The following UNC13C variants were observed in gnomAD, a reference collection of about 807,000 sequenced individuals.
UNC13C encodes unc-13 homolog C.
UNC13C carries 174 observed loss-of-function variants against 245.4 expected under a neutral mutation model. The ratio of observed to expected loss-of-function variants is 0.71; its 90% confidence interval spans 0.63 to 0.80. UNC13C has a LOEUF of 0.80. UNC13C is among the 30% of genes least tolerant of loss of function. The pLI, the probability that UNC13C is intolerant of heterozygous loss-of-function variation, is 0.00. For missense variants in UNC13C, 2,829 were observed against 2,602.9 expected, an observed-to-expected ratio of 1.09 and a Z score of -1.89; for synonymous variants, 992 against 895.1, an observed-to-expected ratio of 1.11 and a Z score of -1.93.
intron 26 of UNC13C, among the ~76,000 whole-genome samples, chr15:54,541,402 C>T (rs1896238115): frequency 6.6e-6 from 1 of 152,062 alleles, no homozygotes; most frequent in Admixed American, 6.6e-5. Context: ...GTCAATGAGG[C>T]TGCCCTGAAA....
intron 4 of UNC13C, among the ~76,000 whole-genome samples, chr15:54,214,019 C>A (rs997060589): frequency 2.0e-5 from 3 of 151,978 alleles, no homozygotes; most frequent in Admixed American, 6.6e-5. Context: ...ATTGACACTA[C>A]AAATTATTAT....
chr15:54,419,526 C>G (rs969014377), intron 19 of UNC13C, among the ~76,000 whole-genome samples: 6 of 152,072 alleles, frequency 3.9e-5, no homozygotes, highest in African/African-American at 1.4e-4. Flanking sequence ...GCCCACTGAG[C>G]TGGTATTAGA....
intron 8 of UNC13C, among the ~76,000 whole-genome samples, chr15:54,254,600 G>T (rs373120543): frequency 6.6e-6 from 1 of 152,156 alleles, no homozygotes; most frequent in East Asian, 1.9e-4. Flanking sequence ...CGCTATTAAA[G>T]GAGCTTCGAG....
At chr15:54,198,130 C>T (rs1345556542) in intron 4 of UNC13C, among the ~76,000 whole-genome samples, 1 of 152,094 alleles carries the variant, frequency 6.6e-6, no homozygotes, top group Non-Finnish European at 1.5e-5. Context: ...CTCCATTGAA[C>T]TGGGAACCAC....
chr15:54,433,946 G>A (rs556537510), intron 19 of UNC13C, among the ~76,000 whole-genome samples: 64 of 151,936 alleles, frequency 4.2e-4, no homozygotes, highest in Non-Finnish European at 7.8e-4. Context: ...TAATAGACAA[G>A]TAGAGAGCCA....
intron 17 of UNC13C, among the ~76,000 whole-genome samples, chr15:54,378,471 C>G (rs2140894868): frequency 1.3e-5 from 2 of 152,074 alleles, no homozygotes; most frequent in South Asian, 4.2e-4. Context: ...ATATGCATGT[C>G]TCTTGGATCC....
At chr15:54,625,143 T>C (rs760704300) in intron 32 of UNC13C, among the ~76,000 whole-genome samples, 2 of 152,114 alleles carry the variant, frequency 1.3e-5, no homozygotes, top group Non-Finnish European at 2.9e-5. Context: ...TGACATTCCA[T>C]GAAGGGCAAC....
At chr15:54,147,781 G>GGTGTGTGTGTGTGTGT (rs1372170799) in intron 4 of UNC13C, among the ~76,000 whole-genome samples, 6 of 24,552 alleles carry the variant, frequency 2.4e-4, no homozygotes, top group African/African-American at 3.3e-4. Context: ...AGCATTGCAA[G>GGTGTGTGTGTGTGTGT]GTGTGTGCGT....
chr15:54,459,329 C>A (rs981116393), intron 19 of UNC13C, among the ~76,000 whole-genome samples: 12 of 152,136 alleles, frequency 7.9e-5, no homozygotes, highest in African/African-American at 2.9e-4. Flanking sequence ...CCTTAAGATT[C>A]TTTCCTTCAT....
intron 19 of UNC13C, among the ~76,000 whole-genome samples, chr15:54,431,912 A>C (rs1453398210): frequency 6.6e-6 from 1 of 151,678 alleles, no homozygotes; most frequent in Non-Finnish European, 1.5e-5. Context: ...TAACAAAAAG[A>C]TAAATATTAA....
intron 1 of UNC13C, among the ~76,000 whole-genome samples, chr15:54,008,362 A>G (rs1244275725): frequency 6.6e-6 from 1 of 152,180 alleles, no homozygotes; most frequent in African/African-American, 2.4e-5. Context: ...ATTTTTTACA[A>G]TTATTGTGAG....
chr15:54,003,010 T>C (rs1009060774), intron 1 of UNC13C, among the ~76,000 whole-genome samples: 6 of 152,194 alleles, frequency 3.9e-5, no homozygotes, highest in Non-Finnish European at 7.3e-5. Flanking sequence ...CTTTTCATGC[T>C]GTGTACAATT....
At chr15:54,292,834 T>C (rs28514513) in intron 10 of UNC13C, among the ~76,000 whole-genome samples, 8,094 of 150,054 alleles carry the variant, frequency 0.054, 325 homozygotes, top group African/African-American at 0.11. Context: ...ATTGAAAATA[T>C]AAAGATGATC....
chr15:54,091,448 G>T (rs971059462), intron 2 of UNC13C, among the ~76,000 whole-genome samples: 2 of 152,152 alleles, frequency 1.3e-5, no homozygotes, highest in Non-Finnish European at 1.5e-5. Flanking sequence ...TTAAATTCCT[G>T]TGTTGATTTA....
chr15:54,341,241 G>C (rs11636561), intron 17 of UNC13C, among the ~76,000 whole-genome samples: 37,290 of 152,156 alleles, frequency 0.25, 5,078 homozygotes, highest in Admixed American at 0.34. Context: ...TAAAGAAAAT[G>C]TGGTATATGC....
At chr15:53,882,533 G>T in the UNC13C span, among the ~76,000 whole-genome samples, 1 of 152,132 alleles carries the variant, frequency 6.6e-6, no homozygotes, top group Non-Finnish European at 1.5e-5. Flanking sequence ...AAGCCTTGAT[G>T]ACTTGTATAG....
At chr15:54,624,259 A>G (rs896581287) in intron 32 of UNC13C, among the ~76,000 whole-genome samples, 1 of 152,210 alleles carries the variant, frequency 6.6e-6, no homozygotes, top group Non-Finnish European at 1.5e-5. Context: ...TAAATACAAT[A>G]TGCAGAACTA....
intron 19 of UNC13C, among the ~76,000 whole-genome samples, chr15:54,481,156 C>A (rs1022109441): frequency 4.0e-5 from 6 of 151,052 alleles, no homozygotes; most frequent in African/African-American, 1.5e-4. Context: ...GTGGTTTAAG[C>A]TGCCGTTATT....
rs538928126 is a variant in UNC13C, at chr15:54,282,059, C to A, written c.3819-11836C>A. On this transcript the variant is annotated intron_variant, in intron 10 of 32. Transcript: ENST00000260323. The stretch of plus-strand genomic sequence containing the variant: ...GGGTACACTACATTTTGTCTCTTCT[C>A]CAGTTGGTAGAGGTTTGAATTGACT... 5.2e-4 allele frequency among the ~76,000 whole-genome samples: 79 copies of A among 152,150 alleles called. No individual in the cohort carries two copies. The South Asian group carries it at 0.016, about 30-fold the overall frequency.
Sources: allele counts gnomAD v4.1 joint callset (sites outside exome capture counted in the v4.1 genomes callset), GRCh38; gene constraint gnomAD v4.1.1; transcripts MANE v1.5; gene names NCBI Gene and HGNC (gene_info 2026-07-23, HGNC 2026-07-21).